Variants in AGO2 observed in about 807,000 individuals in gnomAD.
The protein encoded by AGO2 is protein argonaute-2.
AGO2 carries 5 observed loss-of-function variants against 102.3 expected under a neutral mutation model. That is an observed-to-expected ratio of 0.05 (90% CI 0.03 to 0.10). AGO2 has a LOEUF of 0.10. Ranked by LOEUF, AGO2 falls within the 10% of genes least tolerant of loss-of-function variation. The pLI, the probability that AGO2 is intolerant of heterozygous loss-of-function variation, is 1.00. For missense variants in AGO2, 541 were observed against 1,183.7 expected (o/e 0.46, Z 7.97); for synonymous variants, 449 against 473.1 (o/e 0.95, Z 0.66).
rs2073706739 is a variant in AGO2 at position 140,589,013 on chromosome 8, G to A, written c.23-3702C>T. Among the ~76,000 whole-genome samples the A allele has an allele frequency of 6.6e-6, 1 of 152,346 alleles. No individual in the cohort carries two copies. The highest frequency in any genetic ancestry group is 2.4e-5 in the African/African-American group (1 of 41,578). On this transcript the variant is annotated intron_variant, in intron 1 of 18. Transcript: ENST00000220592. This position sits in a 1 kb window ranked among gnomAD's most constrained non-coding sequence, Gnocchi z 4.2. ...CCTGTGTGAGCAACTGGGTCACAGG[G>A]AACAAAAAATTTCAGTATACACAGC... is the stretch of plus-strand genomic sequence containing the variant.
intron 1 of AGO2, among the ~76,000 whole-genome samples, chr8:140,617,532 C>T (rs1296042038): frequency 3.3e-5 from 5 of 152,320 alleles, no homozygotes; most frequent in East Asian, 1.9e-4. Context: ...GGATTACAGA[C>T]GTAAGCCACT....
upstream of AGO2, among the ~76,000 whole-genome samples, chr8:140,639,370 A>C (rs184410134): frequency 7.9e-5 from 12 of 151,846 alleles, no homozygotes; most frequent in East Asian, 2.3e-3. Flanking sequence ...AGTCCCAGCT[A>C]CTCGGGAGGC....
intron 3 of AGO2, among the ~76,000 whole-genome samples, chr8:140,568,611 C>A (rs934814683): frequency 3.9e-5 from 6 of 152,176 alleles, no homozygotes; most frequent in Admixed American, 1.3e-4. Context: ...CCAGGAGGGG[C>A]CGTGCAGTTC....
chr8:140,549,909 A>G (rs2072967477), intron 11 of AGO2, among the ~76,000 whole-genome samples: 1 of 152,202 alleles, frequency 6.6e-6, no homozygotes, highest in African/African-American at 2.4e-5. Context: ...TTTTAAGCCG[A>G]AGACTAAGAA....
chr8:140,641,862 G>C, the AGO2 span, among the ~76,000 whole-genome samples: 1 of 152,154 alleles, frequency 6.6e-6, no homozygotes, highest in Non-Finnish European at 1.5e-5. Context: ...GAGCCATCAG[G>C]CCTGGCCTAA....
At chr8:140,588,600 G>GGC (rs2073698290) in intron 1 of AGO2, among the ~76,000 whole-genome samples, 1 of 136,150 alleles carries the variant, frequency 7.3e-6, no homozygotes, top group Non-Finnish European at 1.6e-5. Context: ...GGCAGGGAGA[G>GGC]AGGGAGGGAG....
At chr8:140,538,735 C>T (rs1203086713) in intron 16 of AGO2, among the ~76,000 whole-genome samples, 1 of 152,160 alleles carries the variant, frequency 6.6e-6, no homozygotes, top group African/African-American at 2.4e-5. Flanking sequence ...TTCAGAGCCA[C>T]CTCTTTTGGT....
chr8:140,557,510 A>G lies in AGO2; in HGVS notation c.879-274T>C, dbSNP rs547110572. Among the ~76,000 whole-genome samples, 4 of 152,372 alleles carry G rather than the reference A, an allele frequency of 2.6e-5. No homozygotes were observed. The highest frequency in any genetic ancestry group is 2.6e-4 in the Admixed American group (4 of 15,312). ...ACGTCACAGTGTGTGTAAAGGAGTCAGGACGAATGGGCACGACCAGAAAGG... is the reference window on the plus strand; with the variant it reads ...ACGTCACAGTGTGTGTAAAGGAGTCGGGACGAATGGGCACGACCAGAAAGG... On this transcript the variant is annotated intron_variant, in intron 7 of 18. Coordinates refer to ENST00000220592, the MANE Select transcript of AGO2 (RefSeq NM_012154.5). The surrounding 1 kb of genome is among the most constrained non-coding windows in gnomAD (Gnocchi z 5.9).
rs141853948 is a variant in AGO2, at chr8:140,544,811, C to T, written c.1749-508G>A. 2.6e-4 allele frequency among the ~76,000 whole-genome samples: 39 copies of T among 152,348 alleles called. No homozygotes were observed. In the East Asian group the frequency reaches 6.6e-3, roughly 26 times the overall value. ...CAACATGTCTCCAGACATGACCACGCGTCCCCTGGCAGCAAAACCACCCCA... is the reference window on the plus strand; with the variant it reads ...CAACATGTCTCCAGACATGACCACGTGTCCCCTGGCAGCAAAACCACCCCA... On this transcript the variant is annotated intron_variant, in intron 13 of 18. Coordinates refer to ENST00000220592, the MANE Select transcript of AGO2 (RefSeq NM_012154.5).
chr8:140,613,526 C>T (rs1482941535), intron 1 of AGO2, among the ~76,000 whole-genome samples: 1 of 152,094 alleles, frequency 6.6e-6, no homozygotes, highest in Non-Finnish European at 1.5e-5. Context: ...GAGGTCCCAA[C>T]CAAAAACAGC....
intron 14 of AGO2, 121 bp from the exon 15 acceptor site, chr8:140,541,479 G>T: frequency 1.1e-6 from 1 of 926,968 alleles, no homozygotes; most frequent in Non-Finnish European, 1.6e-6. Flanking sequence ...TCATGTCACT[G>T]TCAAGTGACA....
At chr8:140,613,599 A>C (rs2074107139) in intron 1 of AGO2, among the ~76,000 whole-genome samples, 1 of 152,176 alleles carries the variant, frequency 6.6e-6, no homozygotes, top group Non-Finnish European at 1.5e-5. Flanking sequence ...TATTTTCTTA[A>C]AAACACAGCA....
intron 7 of AGO2, 115 bp downstream of exon 7, chr8:140,558,370 C>T (rs2132935233): frequency 8.7e-7 from 1 of 1,144,070 alleles, no homozygotes; most frequent in Non-Finnish European, 1.3e-6. Context: ...GATTGAAAAA[C>T]AGCATGAAAT....
Position 140,568,484 on chromosome 8 carries a change from C to T in AGO2, c.336+4328G>A, listed in dbSNP as rs116166206. ...CAGGCGTGGCATGTCTGGCTGGCCA[C>T]GAGGATCCTGACCTGGACGGGGCCT... On this transcript the variant is annotated intron_variant, in intron 3 of 18. Coordinates refer to ENST00000220592, the MANE Select transcript of AGO2 (RefSeq NM_012154.5). 3.1e-3 allele frequency among the ~76,000 whole-genome samples: 477 copies of T among 152,256 alleles called. 3 individuals are homozygous for T. The highest frequency in any genetic ancestry group is 0.011 in the African/African-American group (461 of 41,546).
chr8:140,540,125 A>G lies in AGO2; in HGVS notation c.2035-671T>C, dbSNP rs2072770818. Reference sequence around the variant, plus strand: ...AAAAAAACAAAACAAAAAACACACAAAAAACAAAGCAGCTCAGGCAGGCTC... The same window carrying G: ...AAAAAAACAAAACAAAAAACACACAGAAAACAAAGCAGCTCAGGCAGGCTC... On this transcript the variant is annotated intron_variant, in intron 15 of 18. Coordinates refer to ENST00000220592, the MANE Select transcript of AGO2 (RefSeq NM_012154.5). This position sits in a 1 kb window ranked among gnomAD's most constrained non-coding sequence, Gnocchi z 5.0. 6.6e-6 allele frequency among the ~76,000 whole-genome samples: 1 copy of G among 152,094 alleles called. No homozygotes were observed. The highest frequency in any genetic ancestry group is 6.5e-5 in the Admixed American group (1 of 15,274).
chr8:140,618,913 A>C (rs1401393640), intron 1 of AGO2, among the ~76,000 whole-genome samples: 1 of 152,040 alleles, frequency 6.6e-6, no homozygotes, highest in East Asian at 1.9e-4. Flanking sequence ...AACTATTTGA[A>C]ATGAGCATGT....
intron 1 of AGO2, among the ~76,000 whole-genome samples, chr8:140,630,020 C>T (rs554788405): frequency 2.7e-4 from 41 of 152,152 alleles, no homozygotes; most frequent in African/African-American, 9.6e-4. Context: ...CCTGGCCCAC[C>T]TCCCACACCC....
chr8:140,623,821 G>A lies in AGO2; in HGVS notation c.22+11664C>T, dbSNP rs375654145. On this transcript the variant is annotated intron_variant, in intron 1 of 18. Coordinates refer to ENST00000220592, the MANE Select transcript of AGO2 (RefSeq NM_012154.5). ...CCACAAGAAAAAGAGGCCCCAGGGC[G>A]GGATGGCTGCAGAACTTTTCAAAAG... Among the ~76,000 whole-genome samples the A allele has an allele frequency of 6.6e-5, 10 of 152,200 alleles. 1 individual carries two copies. The South Asian group carries it at 1.0e-3, about 16-fold the overall frequency.
At chr8:140,619,414 C>A (rs1299496371) in intron 1 of AGO2, among the ~76,000 whole-genome samples, 1 of 152,204 alleles carries the variant, frequency 6.6e-6, no homozygotes, top group Non-Finnish European at 1.5e-5. Flanking sequence ...AACGACAATG[C>A]GGCCCAGCAA....
Sources: gnomAD v4.1 joint callset for allele counts (sites outside exome capture counted in the v4.1 genomes callset) on GRCh38, gnomAD v4.1.1 for gene constraint, Gnocchi (gnomAD v3.1) non-coding constraint, MANE v1.5 for transcripts, NCBI Gene and HGNC (gene_info 2026-07-23, HGNC 2026-07-21) for gene names.